LRP1B: variants seen among roughly 807,000 people sequenced by gnomAD.
LRP1B encodes low-density lipoprotein receptor-related protein 1B.
In LRP1B, 217 loss-of-function variants were observed where a neutral mutation model predicts 556.6. That is an observed-to-expected ratio of 0.39 (90% CI 0.35 to 0.44). The LOEUF is 0.44. Ranked by LOEUF, LRP1B falls within the 20% of genes least tolerant of loss-of-function variation. The pLI, the probability that LRP1B is intolerant of heterozygous loss-of-function variation, is 1.00. For missense variants in LRP1B, 5,053 were observed against 5,620.8 expected (o/e 0.90, Z 3.23); for synonymous variants, 2,047 against 1,865.8 (o/e 1.10, Z -2.50).
intron 1 of LRP1B, among the ~76,000 whole-genome samples, chr2:141,988,237 A>G (rs1203079884): frequency 6.6e-6 from 1 of 151,910 alleles, no homozygotes; most frequent in Non-Finnish European, 1.5e-5. Flanking sequence ...TTAAAAAAAT[A>G]AATCAGACCA....
intron 84 of LRP1B, among the ~76,000 whole-genome samples, chr2:140,285,091 A>C (rs552985198): frequency 1.2e-4 from 18 of 149,398 alleles, no homozygotes; most frequent in South Asian, 6.3e-4. Flanking sequence ...TAATCCCTAT[A>C]TCTCTCTCTC....
chr2:140,911,887 C>G (rs1046432911), intron 21 of LRP1B, among the ~76,000 whole-genome samples: 2 of 151,708 alleles, frequency 1.3e-5, no homozygotes, highest in Non-Finnish European at 3.0e-5. Context: ...AAATCAATAT[C>G]AATCTTTTAG....
chr2:140,784,254 A>G (rs1166246551), intron 32 of LRP1B, among the ~76,000 whole-genome samples: 5 of 152,090 alleles, frequency 3.3e-5, no homozygotes, highest in Non-Finnish European at 5.9e-5. Context: ...CCCTACCCTG[A>G]CTTTTGGGGA....
intron 1 of LRP1B, among the ~76,000 whole-genome samples, chr2:141,890,366 TATATATAGTGTGTATAC>T (rs1699251300): frequency 1.9e-5 from 2 of 107,182 alleles, no homozygotes; most frequent in African/African-American, 3.7e-5. Flanking sequence ...TGTGCATATA[TATATATAGTGTGTATAC>T]ATATATAGTG....
chr2:140,732,797 G>C (rs288114), intron 35 of LRP1B, among the ~76,000 whole-genome samples: 2 of 152,182 alleles, frequency 1.3e-5, no homozygotes, highest in East Asian at 1.9e-4. Flanking sequence ...GAGTTTTTTA[G>C]AATGCATCCC....
At chr2:141,610,179 T>TG (rs1219503538) in intron 2 of LRP1B, among the ~76,000 whole-genome samples, 2 of 142,164 alleles carry the variant, frequency 1.4e-5, no homozygotes, top group Non-Finnish European at 3.1e-5. Flanking sequence ...CCCTATTTCG[T>TG]GGGGGGAGGG....
intron 1 of LRP1B, among the ~76,000 whole-genome samples, chr2:141,861,031 G>C (rs1698222356): frequency 6.6e-6 from 1 of 151,972 alleles, no homozygotes; most frequent in Non-Finnish European, 1.5e-5. Flanking sequence ...TAGATAAACA[G>C]GTTTTACTTT....
At chr2:141,471,988 C>G (rs1682491483) in intron 3 of LRP1B, among the ~76,000 whole-genome samples, 1 of 152,118 alleles carries the variant, frequency 6.6e-6, no homozygotes, top group Admixed American at 6.5e-5. Context: ...AGTTGTAGAA[C>G]ATTAATATGT....
chr2:140,539,774 C>A (rs1380704868), intron 45 of LRP1B, among the ~76,000 whole-genome samples: 2 of 152,116 alleles, frequency 1.3e-5, no homozygotes, highest in African/African-American at 2.4e-5. Flanking sequence ...ATTGCCTGAG[C>A]AATTCAGAGA....
rs181205433 is a variant in LRP1B at position 141,121,102 on chromosome 2, C to T, written c.1014-58829G>A. Among the ~76,000 whole-genome samples, 78 of 152,092 alleles carry T rather than the reference C, an allele frequency of 5.1e-4. 1 individual carries two copies. The highest frequency in any genetic ancestry group is 1.0e-3 in the Non-Finnish European group (68 of 67,934). On this transcript the variant is annotated intron_variant, in intron 7 of 90. Transcript: ENST00000389484. ...CTAAGCGGTGCATTTACCACCTATG[C>T]GACACTGGCAAGTAATTAATCTGTG...
chr2:141,720,692 T>C (rs1356873760), intron 2 of LRP1B, among the ~76,000 whole-genome samples: 1 of 152,134 alleles, frequency 6.6e-6, no homozygotes, highest in African/African-American at 2.4e-5. Context: ...TTACAGTCTT[T>C]TCATCATCAG....
intron 27 of LRP1B, among the ~76,000 whole-genome samples, chr2:140,854,024 A>C (rs1012204658): frequency 4.0e-5 from 6 of 150,908 alleles, no homozygotes; most frequent in Non-Finnish European, 5.9e-5. Flanking sequence ...AGTCAGGTAG[A>C]TAGAAAGAGA....
At chr2:140,288,441 A>G (rs1683248096) in intron 84 of LRP1B, among the ~76,000 whole-genome samples, 1 of 151,860 alleles carries the variant, frequency 6.6e-6, no homozygotes, top group African/African-American at 2.4e-5. Context: ...AGTAGTAGAC[A>G]TTCCAAATTT....
chr2:141,892,233 G>T (rs1699313746), intron 1 of LRP1B, among the ~76,000 whole-genome samples: 1 of 151,612 alleles, frequency 6.6e-6, no homozygotes, highest in African/African-American at 2.4e-5. Context: ...GACTCACCAA[G>T]AAAGTATTTT....
intron 8 of LRP1B, among the ~76,000 whole-genome samples, chr2:141,060,711 C>T (rs1255174873): frequency 1.3e-5 from 2 of 151,732 alleles, no homozygotes; most frequent in Admixed American, 1.3e-4. Flanking sequence ...AATTCACTCA[C>T]TACCTCCCTA....
rs960060251 is a variant in LRP1B, at chr2:140,421,452, A to AT, written c.10414+21051dup. 3.3e-5 allele frequency among the ~76,000 whole-genome samples: 5 copies of AT among 151,958 alleles called. No homozygotes were observed. The East Asian group carries it at 9.7e-4, about 29-fold the overall frequency. On this transcript the variant is annotated intron_variant, in intron 66 of 90. Transcript: ENST00000389484. ...TAACACTAATTATTATACTGAATAC[A>AT]TTTTTTTTCTTGCCGACTCTAATTA... is the stretch of plus-strand genomic sequence containing the variant.
chr2:141,576,831 ATT>A (rs1686771037), intron 2 of LRP1B, among the ~76,000 whole-genome samples: 1 of 135,972 alleles, frequency 7.4e-6, no homozygotes, highest in Non-Finnish European at 1.6e-5. Context: ...TTTTTTTTAA[ATT>A]TTTTTGTAGA....
rs538675825 is a variant in LRP1B, at chr2:142,016,140, C to T, written c.82+114508G>A. 9.2e-5 allele frequency among the ~76,000 whole-genome samples: 14 copies of T among 152,228 alleles called. No individual in the cohort carries two copies. In the South Asian group the frequency reaches 1.2e-3, roughly 14 times the overall value. On this transcript the variant is annotated intron_variant, in intron 1 of 90. Transcript: ENST00000389484. Reference sequence around the variant, plus strand: ...TGAAAACCACAATGAGATACCATCTCATGCCAATTAGAATGGCGATCATTA... The same window carrying T: ...TGAAAACCACAATGAGATACCATCTTATGCCAATTAGAATGGCGATCATTA...
In LRP1B at chr2:141,810,113, A is replaced by AAAAGAAAGAAAGAAAG. The variant is rs67681645; in HGVS notation, c.205+150_205+165dup. ...TTTGGAAAAAAGAAAGAAAGAAAGA[A>AAAAGAAAGAAAGAAAG]AAAGAAAGAAAGAAAGAAAGAAAGA... On this transcript the variant is annotated intron_variant, in intron 2 of 90. Transcript: ENST00000389484. 4.2e-3 allele frequency among the ~76,000 whole-genome samples: 324 copies of AAAAGAAAGAAAGAAAG among 77,878 alleles called. 1 individual carries two copies. The highest frequency in any genetic ancestry group is 0.012 in the Admixed American group (98 of 8,350). The allele number at this position is 77,878 out of a possible 152,430, so 51.1% of individuals were successfully genotyped here. A position where few individuals can be genotyped will look rare whatever the true frequency, so the allele number is the denominator to read the frequency against.
Sources: allele counts gnomAD v4.1 joint callset (sites outside exome capture counted in the v4.1 genomes callset), GRCh38; gene constraint gnomAD v4.1.1; transcripts MANE v1.5; gene names NCBI Gene and HGNC (gene_info 2026-07-23, HGNC 2026-07-21).